Variants in PAX7 observed in about 807,000 individuals in gnomAD.
PAX7 encodes paired box 7, also known as paired box protein Pax-7.
Under a neutral mutation model 50.7 loss-of-function variants are expected in PAX7, and 18 were observed. That is an observed-to-expected ratio of 0.36 (90% CI 0.25 to 0.53). PAX7 has a LOEUF of 0.53. Ranked by LOEUF, PAX7 falls within the 20% of genes least tolerant of loss-of-function variation. The pLI is 0.93. For missense variants in PAX7, 644 were observed against 702.9 expected, an observed-to-expected ratio of 0.92 and a Z score of 0.95; for synonymous variants, 310 against 290.4, an observed-to-expected ratio of 1.07 and a Z score of -0.69.
intron 4 of PAX7, among the ~76,000 whole-genome samples, chr1:18,639,265 G>C (rs2088209986): frequency 6.6e-6 from 1 of 152,186 alleles, no homozygotes; most frequent in Non-Finnish European, 1.5e-5. Context: ...CTCACTCTCA[G>C]AGTTTGAAGC....
chr1:18,641,728 T>C (rs911771862), intron 4 of PAX7, among the ~76,000 whole-genome samples: 1 of 152,182 alleles, frequency 6.6e-6, no homozygotes, highest in Non-Finnish European at 1.5e-5. Flanking sequence ...TTCAAACGAA[T>C]TCATCATTTG....
At chr1:18,639,864 C>A (rs978831054) in intron 4 of PAX7, among the ~76,000 whole-genome samples, 3 of 152,128 alleles carry the variant, frequency 2.0e-5, no homozygotes, top group Non-Finnish European at 4.4e-5. Context: ...AGACCAGGGG[C>A]TCCGCTTTGT....
In PAX7 at chr1:18,634,514, G is replaced by A. The variant is rs1291396735; in HGVS notation, c.297G>A (p.Gly99=). 1.2e-6 allele frequency: 2 copies of A among 1,613,838 alleles called. No individual in the cohort carries two copies. The highest frequency in any genetic ancestry group is 2.7e-5 in the African/African-American group (2 of 74,942). The stretch of plus-strand genomic sequence containing the variant: ...AGGAGACCGGGTCCATCCGGCCTGG[G>A]GCCATCGGCGGCAGCAAGCCCAGAG... The part of the protein sequence containing the change: ...RYQETGSIRP[G]AIGGSKPRQV... Residue 99 remains glycine (G), a synonymous_variant, in exon 2 of 9, where the codon GGG becomes GGA. Transcript: ENST00000420770. The surrounding 1 kb of genome is among the most constrained non-coding windows in gnomAD (Gnocchi z 4.0).
intron 8 of PAX7, among the ~76,000 whole-genome samples, chr1:18,742,464 G>A (rs1465520426): frequency 1.3e-5 from 2 of 152,144 alleles, no homozygotes; most frequent in East Asian, 3.9e-4. Flanking sequence ...GCAGAATGAG[G>A]CTTCTTAATG....
chr1:18,675,761 T>C (rs1442339185), intron 4 of PAX7, among the ~76,000 whole-genome samples: 1 of 152,188 alleles, frequency 6.6e-6, no homozygotes, highest in Admixed American at 6.5e-5. Flanking sequence ...TCGACCCCGA[T>C]GTGTTGAGTG....
intron 4 of PAX7, among the ~76,000 whole-genome samples, chr1:18,640,210 G>A (rs2088229739): frequency 1.3e-5 from 2 of 152,212 alleles, no homozygotes; most frequent in African/African-American, 4.8e-5. Context: ...GGAGAGCCCG[G>A]AGTGTCGGTT....
At chr1:18,713,589 A>G (rs1472693370) in intron 7 of PAX7, among the ~76,000 whole-genome samples, 1 of 152,238 alleles carries the variant, frequency 6.6e-6, no homozygotes, top group African/African-American at 2.4e-5. Flanking sequence ...AGAAATATGC[A>G]TGGCTGTCTC....
chr1:18,659,133 G>A (rs78503844), intron 4 of PAX7, among the ~76,000 whole-genome samples: 1,661 of 152,328 alleles, frequency 0.011, 28 homozygotes, highest in Non-Finnish European at 0.012. Flanking sequence ...GTGTACTGCA[G>A]ATTCACTGTC....
intron 4 of PAX7, among the ~76,000 whole-genome samples, chr1:18,664,416 C>T (rs2088639045): frequency 1.3e-5 from 2 of 152,164 alleles, no homozygotes; most frequent in Non-Finnish European, 2.9e-5. Flanking sequence ...AAATGGGGAG[C>T]TGGTGACCTG....
At position 18,688,870 on chromosome 1, in the gene PAX7, C is replaced by T. The variant is rs540776959; in HGVS notation, c.587-2884C>T. Among the ~76,000 whole-genome samples the T allele has an allele frequency of 3.1e-4, 47 of 152,204 alleles. 1 individual carries two copies. The highest frequency in any genetic ancestry group is 3.4e-3 in the Middle Eastern group (1 of 294). On this transcript the variant is annotated intron_variant, in intron 4 of 8. Transcript: ENST00000420770. ...TGGAGGCTGCAGTGAGCAGAGATGGCGCCACTGCACTCTAGCCTGGGCGAC... is the reference window on the plus strand; with the variant it reads ...TGGAGGCTGCAGTGAGCAGAGATGGTGCCACTGCACTCTAGCCTGGGCGAC...
At chr1:18,656,243 C>T (rs971978392) in intron 4 of PAX7, among the ~76,000 whole-genome samples, 3 of 152,170 alleles carry the variant, frequency 2.0e-5, no homozygotes, top group South Asian at 2.1e-4. Flanking sequence ...CCTGTAATCC[C>T]AGCACTTTGG....
At position 18,685,568 on chromosome 1, in the gene PAX7, A is replaced by C. The variant is rs983712182; in HGVS notation, c.587-6186A>C. 3.3e-5 allele frequency among the ~76,000 whole-genome samples: 5 copies of C among 152,144 alleles called. No individual in the cohort carries two copies. In the East Asian group the frequency reaches 9.7e-4, roughly 29 times the overall value. The stretch of plus-strand genomic sequence containing the variant: ...CTGGGGGAGGTGGCCCAAGAGCTGG[A>C]TGGTGCTGGGTGAGCACTCCCAGGA... On this transcript the variant is annotated intron_variant, in intron 4 of 8. Coordinates refer to ENST00000420770, the MANE Select transcript of PAX7 (RefSeq NM_001135254.2).
intron 7 of PAX7, among the ~76,000 whole-genome samples, chr1:18,718,033 T>C (rs2089449414): frequency 1.3e-5 from 2 of 152,048 alleles, no homozygotes; most frequent in Middle Eastern, 3.4e-3. Context: ...GGTTCAACAA[T>C]GTGTAGATTC....
chr1:18,694,509 TATAA>T (rs1157164384), intron 5 of PAX7, among the ~76,000 whole-genome samples: 6 of 142,874 alleles, frequency 4.2e-5, no homozygotes, highest in East Asian at 4.3e-4. Flanking sequence ...AATAAATAAA[TATAA>T]AATAAAATAA....
In PAX7 at chr1:18,744,835, A is replaced by G; in HGVS notation, c.1424A>G (p.Lys475Arg). 1.3e-6 allele frequency: 2 copies of G among 1,555,188 alleles called. No homozygotes were observed. The highest frequency in any genetic ancestry group is 1.7e-6 in the Non-Finnish European group (2 of 1,148,908). Residue 475 changes from lysine to arginine, a missense_variant, in exon 9 of 9, where the codon AAA becomes AGA. Transcript: ENST00000420770. The stretch of plus-strand genomic sequence containing the variant: ...CCAGCTGCTGTTGATTATCTGGCCA[A>G]AAATGTGAGCCTCTCCACCCAGCGT... ...YGQTAVDYLA[K>R]NVSLSTQRRM...
intron 4 of PAX7, among the ~76,000 whole-genome samples, chr1:18,647,023 T>G (rs937616852): frequency 0.026 from 211 of 8,122 alleles, no homozygotes; most frequent in South Asian, 0.043. Flanking sequence ...GGAGGTGGGG[T>G]GGGGGAAGGG....
chr1:18,727,219 C>T lies in PAX7; in HGVS notation c.1156-8413C>T, dbSNP rs147681268. 2.0e-3 allele frequency among the ~76,000 whole-genome samples: 299 copies of T among 152,154 alleles called. 2 individuals carry two copies. The Middle Eastern group carries it at 0.02, about 10-fold the overall frequency. ...CAGGCACATACAAAGACACAATGCTCACACATCACACAAGGACTTAGAAGC... is the reference window on the plus strand; with the variant it reads ...CAGGCACATACAAAGACACAATGCTTACACATCACACAAGGACTTAGAAGC... On this transcript the variant is annotated intron_variant, in intron 7 of 8. Coordinates refer to ENST00000420770, the MANE Select transcript of PAX7 (RefSeq NM_001135254.2).
At chr1:18,653,942 C>T (rs1323600231) in intron 4 of PAX7, among the ~76,000 whole-genome samples, 1 of 152,118 alleles carries the variant, frequency 6.6e-6, no homozygotes, top group Non-Finnish European at 1.5e-5. Context: ...ACATGCATGT[C>T]CCCATTCTCG....
intron 8 of PAX7, among the ~76,000 whole-genome samples, chr1:18,740,357 C>T (rs1268707143): frequency 1.3e-5 from 2 of 152,050 alleles, no homozygotes; most frequent in African/African-American, 2.4e-5. Context: ...ATGGGCTGGT[C>T]GCTGGGAGAG....
Sources: allele counts gnomAD v4.1 joint callset (sites outside exome capture counted in the v4.1 genomes callset), GRCh38; gene constraint gnomAD v4.1.1; non-coding constraint Gnocchi (gnomAD v3.1); transcripts MANE v1.5; gene names NCBI Gene and HGNC (gene_info 2026-07-23, HGNC 2026-07-21).